Variants in OR2AG1 observed in about 807,000 individuals in gnomAD.
OR2AG1 encodes olfactory receptor 2AG1.
For synonymous variants in OR2AG1, 157 were observed against 155.6 expected (o/e 1.01, Z -0.07); for missense variants, 391 against 385.9 (o/e 1.01, Z -0.11).
rs1016337948 is a variant in OR2AG1, at chr11:6,788,531, A to G, written c.*2543A>G. The stretch of plus-strand genomic sequence containing the variant: ...GAAGACATTTGATTCTATCATTCAC[A>G]TCTTAATAGCTCACTTGTAATTTGA... On this transcript the variant is annotated 3_prime_UTR_variant, in exon 2 of 2. Coordinates refer to ENST00000641258, the MANE Select transcript of OR2AG1 (RefSeq NM_001004489.3). 1 of 152,150 alleles carries G rather than the reference A, an allele frequency of 6.6e-6. No homozygotes were observed. Among genetic ancestry groups the G allele is most frequent in the Non-Finnish European group, 1.5e-5 (1 of 68,032 alleles). 9.4% of individuals were successfully genotyped at this position (152,150 alleles called of 1,614,324 possible).
rs1362047348 is a variant in OR2AG1, at chr11:6,787,303, G to C, written c.*1315G>C. ...CAGCACTGCAAAGAGTCTAGGGTCA[G>C]CTATCAGCGTACAGAAGTTAGAATT... On this transcript the variant is annotated 3_prime_UTR_variant, in exon 2 of 2. Coordinates refer to ENST00000641258, the MANE Select transcript of OR2AG1 (RefSeq NM_001004489.3). 1 of 152,070 alleles carries C rather than the reference G, an allele frequency of 6.6e-6. No homozygotes were observed. The highest frequency in any genetic ancestry group is 2.1e-4 in the South Asian group (1 of 4,824). 9.4% of individuals were successfully genotyped at this position (152,070 alleles called of 1,614,324 possible).
At position 6,791,014 on chromosome 11, in the gene OR2AG1, T is replaced by C. The variant is rs1440430658; in HGVS notation, c.*5026T>C. On this transcript the variant is annotated 3_prime_UTR_variant, in exon 2 of 2. Transcript: ENST00000641258. ...TTGTGCCAAAAGTAACCATAAAATC[T>C]GGAGTCAACTGCTAGAAGTTTTGCA... 2.0e-5 allele frequency: 3 copies of C among 152,176 alleles called. No homozygotes were observed. The highest frequency in any genetic ancestry group is 4.4e-5 in the Non-Finnish European group (3 of 68,044). 9.4% of individuals were successfully genotyped at this position (152,176 alleles called of 1,614,324 possible).
At chr11:6,784,980 T>C (rs1847606765) in intron 1 of OR2AG1, 38 bp from the exon 2 acceptor site, 2 of 1,141,178 alleles carry the variant, frequency 1.8e-6, no homozygotes, top group Non-Finnish European at 2.5e-6. Flanking sequence ...CTAGAGTTCA[T>C]CTTAGCAAAA....
rs1847644989 is a variant in OR2AG1 at position 6,787,896 on chromosome 11, C to T, written c.*1908C>T. ...CCAGCAACATATAAGTGTACTTAGC[C>T]CACTACATATTTTTTCATGTTAAAT... On this transcript the variant is annotated 3_prime_UTR_variant, in exon 2 of 2. Transcript: ENST00000641258. 6.6e-6 allele frequency: 1 copy of T among 151,948 alleles called. No homozygotes were observed. The highest frequency in any genetic ancestry group is 2.1e-4 in the South Asian group (1 of 4,814). The allele number at this position is 151,948 out of a possible 1,614,324, so 9.4% of individuals were successfully genotyped here.
rs1847677389 is a variant in OR2AG1, at chr11:6,790,430, G to A, written c.*4442G>A. ...ACACACACGCACAGAGGGTAAGTAT[G>A]TAAGGTGATTGATATGTTGCTCTGT... is the stretch of plus-strand genomic sequence containing the variant. On this transcript the variant is annotated 3_prime_UTR_variant, in exon 2 of 2. Coordinates refer to ENST00000641258, the MANE Select transcript of OR2AG1 (RefSeq NM_001004489.3). The A allele has an allele frequency of 6.6e-6, 1 of 152,180 alleles. No individual in the cohort carries two copies. Among genetic ancestry groups the A allele is most frequent in the African/African-American group, 2.4e-5 (1 of 41,460 alleles). 9.4% of individuals were successfully genotyped at this position (152,180 alleles called of 1,614,324 possible). A position where few individuals can be genotyped will look rare whatever the true frequency, so the allele number is the denominator to read the frequency against.
rs561392512 is a variant in OR2AG1 at position 6,787,204 on chromosome 11, G to A, written c.*1216G>A. 7 of 152,226 alleles carry A rather than the reference G, an allele frequency of 4.6e-5. No individual in the cohort carries two copies. The South Asian group carries it at 1.4e-3, about 32-fold the overall frequency. The allele number at this position is 152,226 out of a possible 1,614,324, so 9.4% of individuals were successfully genotyped here. A position where few individuals can be genotyped will look rare whatever the true frequency, so the allele number is the denominator to read the frequency against. On this transcript the variant is annotated 3_prime_UTR_variant, in exon 2 of 2. Transcript: ENST00000641258. ...CAGGCATGCATTTTACTGAGTTGAT[G>A]TGTGTGTGTAAAACAGATTTTTTTA...
chr11:6,785,142 C>A lies in OR2AG1; in HGVS notation c.105C>A (p.Tyr35Ter), dbSNP rs150001819. 5.6e-6 allele frequency: 9 copies of A among 1,614,028 alleles called. No individual in the cohort carries two copies. Among genetic ancestry groups the A allele is most frequent in the Non-Finnish European group, 6.8e-6 (8 of 1,179,884 alleles). ...ELLCATITIL[Y>*]LLALISNGLL... is the part of the protein sequence containing the mutation. Reference sequence around the variant, plus strand: ...TCTGTGCTACAATTACAATCCTATACTTGTTGGCCCTGATCAGCAATGGCC... The same window carrying A: ...TCTGTGCTACAATTACAATCCTATAATTGTTGGCCCTGATCAGCAATGGCC... Residue 35 changes from tyrosine (Y) to a stop codon, truncating the protein, a stop_gained, in exon 2 of 2, where the codon TAC (tyrosine) becomes TAA (stop). Coordinates refer to ENST00000641258, the MANE Select transcript of OR2AG1 (RefSeq NM_001004489.3). LOFTEE classifies it low-confidence loss of function (END_TRUNC).
At chr11:6,783,949 T>C (rs1355936155) in intron 1 of OR2AG1, among the ~76,000 whole-genome samples, 1 of 152,238 alleles carries the variant, frequency 6.6e-6, no homozygotes, top group East Asian at 1.9e-4. Context: ...GATGCTTCAC[T>C]TCAAAATCTT....
In OR2AG1 at chr11:6,788,872, A is replaced by T. The variant is rs1246382017; in HGVS notation, c.*2884A>T. ...CAGTGAGCCGAGATTGCACCACTGCACTCCAGCCTGGGCAACAGAGTGAGA... is the reference window on the plus strand; with the variant it reads ...CAGTGAGCCGAGATTGCACCACTGCTCTCCAGCCTGGGCAACAGAGTGAGA... On this transcript the variant is annotated 3_prime_UTR_variant, in exon 2 of 2. Transcript: ENST00000641258. The T allele has an allele frequency of 6.6e-6, 1 of 151,682 alleles. No individual in the cohort carries two copies. The highest frequency in any genetic ancestry group is 2.4e-5 in the African/African-American group (1 of 41,240). 9.4% of individuals were successfully genotyped at this position (151,682 alleles called of 1,614,324 possible). A position where few individuals can be genotyped will look rare whatever the true frequency, so the allele number is the denominator to read the frequency against.
At position 6,785,071 on chromosome 11, in the gene OR2AG1, T is replaced by G; in HGVS notation, c.34T>G (p.Phe12Val). Residue 12 changes from phenylalanine (F) to valine (V), a missense_variant, in exon 2 of 2, where the codon TTC (phenylalanine) becomes GTC (valine). Physicochemically the swap from Phe to Val is conservative, Grantham distance 50. Transcript: ENST00000641258. ...CTGGAACTTCACCTTGGGAAGTGGC[T>G]TCATTTTGGTGGGGATTCTGAATGA... is the stretch of plus-strand genomic sequence containing the variant. ...ELWNFTLGSG[F>V]ILVGILNDSG... 1 of 1,612,234 alleles carries G rather than the reference T, an allele frequency of 6.2e-7. No individual in the cohort carries two copies. The highest frequency in any genetic ancestry group is 8.5e-7 in the Non-Finnish European group (1 of 1,178,780).
intron 1 of OR2AG1, among the ~76,000 whole-genome samples, chr11:6,784,276 T>C (rs2133026426): frequency 6.6e-6 from 1 of 152,324 alleles, no homozygotes. Flanking sequence ...ACAAACATCC[T>C]GATCTTCCTA....
At position 6,788,658 on chromosome 11, in the gene OR2AG1, C is replaced by CCTAG. The variant is rs1428970492; in HGVS notation, c.*2671_*2674dup. ...ATGGTGCATGACTATACTTCTGGAACCTAGTCTCAGTCAGTTTTAAAATGA... is the reference window on the plus strand; with the variant it reads ...ATGGTGCATGACTATACTTCTGGAACCTAGCTAGTCTCAGTCAGTTTTAAAATGA... On this transcript the variant is annotated 3_prime_UTR_variant, in exon 2 of 2. Coordinates refer to ENST00000641258, the MANE Select transcript of OR2AG1 (RefSeq NM_001004489.3). 6 of 152,186 alleles carry CCTAG rather than the reference C, an allele frequency of 3.9e-5. No homozygotes were observed. Among genetic ancestry groups the CCTAG allele is most frequent in the Admixed American group, 3.9e-4 (6 of 15,280 alleles). 9.4% of individuals were successfully genotyped at this position (152,186 alleles called of 1,614,324 possible). A position where few individuals can be genotyped will look rare whatever the true frequency, so the allele number is the denominator to read the frequency against.
At chr11:6,784,773 T>C (rs1847604600) in intron 1 of OR2AG1, among the ~76,000 whole-genome samples, 3 of 152,232 alleles carry the variant, frequency 2.0e-5, no homozygotes, top group Non-Finnish European at 2.9e-5. Flanking sequence ...TCAGGTTTAA[T>C]GTCCTAAATA....
rs1440943529 is a variant in OR2AG1, at chr11:6,789,214, T to C, written c.*3226T>C. On this transcript the variant is annotated 3_prime_UTR_variant, in exon 2 of 2. Transcript: ENST00000641258. ...TCCTTCATCAACCTTTCAGCAACAT[T>C]GATATAATTGACCTCACCCTTCTGT... The C allele has an allele frequency of 6.6e-6, 1 of 152,178 alleles. No individual in the cohort carries two copies. Among genetic ancestry groups the C allele is most frequent in the East Asian group, 1.9e-4 (1 of 5,190 alleles). The allele number at this position is 152,178 out of a possible 1,614,324, so 9.4% of individuals were successfully genotyped here. A position where few individuals can be genotyped will look rare whatever the true frequency, so the allele number is the denominator to read the frequency against.
chr11:6,784,373 C>T (rs890376643), intron 1 of OR2AG1, among the ~76,000 whole-genome samples: 1 of 152,036 alleles, frequency 6.6e-6, no homozygotes, highest in Non-Finnish European at 1.5e-5. Flanking sequence ...TTGTATTGAC[C>T]CTAAAGTATT....
In OR2AG1 at chr11:6,785,843, G is replaced by A. The variant is rs779861424; in HGVS notation, c.806G>A (p.Arg269Lys). 6 of 1,613,962 alleles carry A rather than the reference G, an allele frequency of 3.7e-6. No homozygotes were observed. The African/African-American group carries it at 4.0e-5, about 11-fold the overall frequency. ...YVLPSSFHSTRQDNIISVFYT... is the reference protein window; with the variant it reads ...YVLPSSFHSTKQDNIISVFYT... Reference sequence around the variant, plus strand: ...TTGCCCAGTTCCTTCCACAGCACCAGACAAGACAACATCATCTCTGTTTTC... The same window carrying A: ...TTGCCCAGTTCCTTCCACAGCACCAAACAAGACAACATCATCTCTGTTTTC... Residue 269 changes from arginine (R) to lysine (K), a missense_variant, in exon 2 of 2, where the codon AGA (arginine) becomes AAA (lysine). Coordinates refer to ENST00000641258, the MANE Select transcript of OR2AG1 (RefSeq NM_001004489.3).
intron 1 of OR2AG1, 24 bp downstream of exon 1, chr11:6,783,495 G>C (rs942310448): frequency 1.3e-5 from 2 of 152,194 alleles, no homozygotes; most frequent in African/African-American, 4.8e-5. Flanking sequence ...ATTTATTTCA[G>C]GGGAAGGTGT....
At chr11:6,783,771 C>G (rs1847595757) in intron 1 of OR2AG1, among the ~76,000 whole-genome samples, 1 of 152,300 alleles carries the variant, frequency 6.6e-6, no homozygotes, top group South Asian at 2.1e-4. Flanking sequence ...ATTTTTGCAT[C>G]TATCAGATGA....
chr11:6,783,040 A>G lies in OR2AG1; in HGVS notation c.-452A>G, dbSNP rs1276331848. On this transcript the variant is annotated 5_prime_UTR_variant, in exon 1 of 2. Coordinates refer to ENST00000641258, the MANE Select transcript of OR2AG1 (RefSeq NM_001004489.3). ...GCTTTTATCTTTGCTCCCTGACCCC[A>G]GCAAGAATGAAGGAAAGTCTGAGTA... The G allele has an allele frequency of 6.6e-6, 1 of 152,350 alleles. No homozygotes were observed. Among genetic ancestry groups the G allele is most frequent in the Non-Finnish European group, 1.5e-5 (1 of 68,160 alleles). The allele number at this position is 152,350 out of a possible 1,614,324, so 9.4% of individuals were successfully genotyped here.
Sources: allele counts gnomAD v4.1 joint callset (sites outside exome capture counted in the v4.1 genomes callset), GRCh38; gene constraint gnomAD v4.1.1; transcripts MANE v1.5; gene names NCBI Gene and HGNC (gene_info 2026-07-23, HGNC 2026-07-21).